INPP5D: variants seen among roughly 807,000 people sequenced by gnomAD.
The protein encoded by INPP5D is phosphatidylinositol 3,4,5-trisphosphate 5-phosphatase 1.
Under a neutral mutation model 122.9 loss-of-function variants are expected in INPP5D, and 33 were observed. The ratio of observed to expected loss-of-function variants is 0.27; its 90% CI spans 0.20 to 0.36. The LOEUF (loss-of-function observed/expected upper bound fraction) is 0.36. Ranked by LOEUF, INPP5D falls within the 10% of genes least tolerant of loss-of-function variation. INPP5D has a pLI of 1.00. For missense variants in INPP5D, 1,053 were observed against 1,412.7 expected (o/e 0.75, Z 4.08); for synonymous variants, 584 against 576.2 (o/e 1.01, Z -0.19).
chr2:233,065,623 C>T (rs868678121), intron 1 of INPP5D, among the ~76,000 whole-genome samples: 11 of 7,384 alleles, frequency 1.5e-3, no homozygotes, highest in African/African-American at 9.3e-3. Flanking sequence ...TTCTTTCTTT[C>T]TTTCTTTCTT....
intron 2 of INPP5D, among the ~76,000 whole-genome samples, chr2:233,090,673 TG>T (rs1422034653): frequency 1.3e-5 from 2 of 152,170 alleles, no homozygotes; most frequent in Non-Finnish European, 2.9e-5. Context: ...CAAAGTCACT[TG>T]GGGTCGGGCA....
intron 18 of INPP5D, among the ~76,000 whole-genome samples, chr2:233,179,007 C>T (rs902002237): frequency 7.2e-5 from 11 of 152,202 alleles, no homozygotes; most frequent in Admixed American, 1.3e-4. Flanking sequence ...CCTCCTACTG[C>T]CCAGAAGAGC....
intron 13 of INPP5D, among the ~76,000 whole-genome samples, chr2:233,167,152 C>T (rs1463006463): frequency 1.3e-5 from 2 of 150,240 alleles, no homozygotes; most frequent in East Asian, 3.9e-4. Context: ...GGGAGGACCT[C>T]CTGAGACCGG....
chr2:233,130,845 G>C (rs755692876), intron 5 of INPP5D, 197 bp downstream of exon 5: 7 of 731,408 alleles, frequency 9.6e-6, no homozygotes, highest in African/African-American at 1.7e-5. Flanking sequence ...ACAGTAGCTT[G>C]TGTGTGCTGC....
intron 2 of INPP5D, among the ~76,000 whole-genome samples, chr2:233,098,237 A>G (rs1692202645): frequency 6.6e-6 from 1 of 152,030 alleles, no homozygotes; most frequent in South Asian, 2.1e-4. Flanking sequence ...CTGCTCCAGG[A>G]GGAGGATGCA....
rs1296808486 is a variant in INPP5D at position 233,082,114 on chromosome 2, C to T, written c.198+2716C>T. Among the ~76,000 whole-genome samples the T allele has an allele frequency of 6.6e-6, 1 of 152,112 alleles. No individual in the cohort carries two copies. The highest frequency in any genetic ancestry group is 2.4e-5 in the African/African-American group (1 of 41,416). On this transcript the variant is annotated intron_variant, in intron 2 of 26. Coordinates refer to ENST00000445964, the MANE Select transcript of INPP5D (RefSeq NM_001017915.3). The surrounding 1 kb of genome is among the most constrained non-coding windows in gnomAD (Gnocchi z 4.7). ...ACCCCGGCACTAGATCTGTGACCTC[C>T]GCAGTAGCTGACATGGTACAGGGAG... is the stretch of plus-strand genomic sequence containing the variant.
At position 233,193,832 on chromosome 2, in the gene INPP5D, C is replaced by A. The variant is rs368419027; in HGVS notation, c.2467C>A (p.Arg823=). ...TGCAGGCGAGGGCTGCATTGCCCTT[C>A]GGTTAGAGGCCACAGAAACGCAGCT... ...ESYGEGCIAL[R]LEATETQLPI... is the part of the protein sequence containing the mutation. Residue 823 remains arginine, a synonymous_variant, in exon 23 of 27, where the codon CGG becomes AGG. Coordinates refer to ENST00000445964, the MANE Select transcript of INPP5D (RefSeq NM_001017915.3). 9.9e-6 allele frequency: 16 copies of A among 1,613,962 alleles called. 1 individual carries two copies. In the South Asian group the frequency reaches 1.8e-4, roughly 18 times the overall value.
intron 22 of INPP5D, among the ~76,000 whole-genome samples, chr2:233,191,065 A>T: frequency 6.6e-6 from 1 of 152,218 alleles, no homozygotes; most frequent in East Asian, 1.9e-4. Flanking sequence ...GTCTGTTCTC[A>T]TGTTGCTGTA....
Position 233,170,703 on chromosome 2 carries a change from A to G in INPP5D, c.1900+99A>G, listed in dbSNP as rs1321327489. 9 of 1,484,482 alleles carry G rather than the reference A, an allele frequency of 6.1e-6. No individual in the cohort carries two copies. The East Asian group carries it at 2.2e-4, about 37-fold the overall frequency. The allele number at this position is 1,484,482 out of a possible 1,614,324, so 92.0% of individuals were successfully genotyped here. ...CGGATCACGAGATCAGGAGATGGAG[A>G]CCATCCTGGCTAACACAGTGAAACC... On this transcript the variant is annotated intron_variant, in intron 16 of 26. Coordinates refer to ENST00000445964, the MANE Select transcript of INPP5D (RefSeq NM_001017915.3). The surrounding 1 kb of genome is among the most constrained non-coding windows in gnomAD (Gnocchi z 4.5).
intron 1 of INPP5D, among the ~76,000 whole-genome samples, chr2:233,072,794 T>G (rs1691415017): frequency 1.3e-5 from 2 of 152,260 alleles, no homozygotes; most frequent in African/African-American, 2.4e-5. Context: ...TCTCTTTTAT[T>G]GTGGCTGTCT....
chr2:233,164,094 T>A lies in INPP5D; in HGVS notation c.1437+191T>A, dbSNP rs1246316197. ...TGGGGTATTGCTGAAAACCACTGAG[T>A]CCTCTATCTTCCCACCCTTGGTCAG... On this transcript the variant is annotated intron_variant, in intron 12 of 26. Transcript: ENST00000445964. The surrounding 1 kb of genome is among the most constrained non-coding windows in gnomAD (Gnocchi z 4.3). Among the ~76,000 whole-genome samples, 1 of 152,006 alleles carries A rather than the reference T, an allele frequency of 6.6e-6. No individual in the cohort carries two copies. The highest frequency in any genetic ancestry group is 1.5e-5 in the Non-Finnish European group (1 of 67,994).
At chr2:233,068,265 A>T (rs1211992116) in intron 1 of INPP5D, among the ~76,000 whole-genome samples, 2 of 145,410 alleles carry the variant, frequency 1.4e-5, no homozygotes, top group East Asian at 4.0e-4. Flanking sequence ...AGCCTGGGCA[A>T]CAAGAGTGAA....
intron 1 of INPP5D, among the ~76,000 whole-genome samples, chr2:233,061,196 G>A (rs796663293): frequency 5.3e-5 from 8 of 152,126 alleles, no homozygotes; most frequent in African/African-American, 1.9e-4. Context: ...TCTCTCTCCT[G>A]AGCACTTGGC....
intron 5 of INPP5D, chr2:233,130,911 T>C (rs1574752404): frequency 1.6e-6 from 1 of 613,942 alleles, no homozygotes; most frequent in Non-Finnish European, 3.0e-6. Context: ...GCGGATGGGG[T>C]GGGAGGACAT....
chr2:233,121,650 G>A (rs1296359066), intron 2 of INPP5D, among the ~76,000 whole-genome samples: 1 of 151,526 alleles, frequency 6.6e-6, no homozygotes, highest in African/African-American at 2.4e-5. Flanking sequence ...TGAGTAGCTG[G>A]GATTACAGGC....
chr2:233,094,689 G>C (rs1692086851), intron 2 of INPP5D, among the ~76,000 whole-genome samples: 1 of 152,066 alleles, frequency 6.6e-6, no homozygotes, highest in Admixed American at 6.6e-5. Context: ...TGTTAGAAAT[G>C]TGGACAATCA....
intron 10 of INPP5D, among the ~76,000 whole-genome samples, chr2:233,159,094 G>T (rs1253838480): frequency 1.3e-5 from 2 of 152,076 alleles, no homozygotes; most frequent in African/African-American, 4.8e-5. Flanking sequence ...TCTGAGTCTC[G>T]ACTGGAGCTC....
At position 233,128,324 on chromosome 2, in the gene INPP5D, T is replaced by C. The variant is rs1693223300; in HGVS notation, c.525-2184T>C. ...GTGCCAAAAAGGTTGGGGACCACTG[T>C]TTTTAATACTATAGAAGAGATGTTT... is the stretch of plus-strand genomic sequence containing the variant. On this transcript the variant is annotated intron_variant, in intron 4 of 26. Coordinates refer to ENST00000445964, the MANE Select transcript of INPP5D (RefSeq NM_001017915.3). This position sits in a 1 kb window ranked among gnomAD's most constrained non-coding sequence, Gnocchi z 4.5. Among the ~76,000 whole-genome samples the C allele has an allele frequency of 6.6e-6, 1 of 152,184 alleles. No homozygotes were observed. The highest frequency in any genetic ancestry group is 1.5e-5 in the Non-Finnish European group (1 of 68,040).
At chr2:233,104,324 T>A (rs1692407111) in intron 2 of INPP5D, among the ~76,000 whole-genome samples, 1 of 152,164 alleles carries the variant, frequency 6.6e-6, no homozygotes, top group Non-Finnish European at 1.5e-5. Flanking sequence ...GCTGTTTGAG[T>A]ACTCAAAAAA....
Sources: gnomAD v4.1 joint callset for allele counts (sites outside exome capture counted in the v4.1 genomes callset) on GRCh38, gnomAD v4.1.1 for gene constraint, Gnocchi (gnomAD v3.1) non-coding constraint, MANE v1.5 for transcripts, NCBI Gene and HGNC (gene_info 2026-07-23, HGNC 2026-07-21) for gene names.